TNFRSF10A: variants seen among roughly 807,000 people sequenced by gnomAD.
TNFRSF10A encodes tumor necrosis factor receptor superfamily member 10A.
Under a neutral mutation model 42.8 loss-of-function variants are expected in TNFRSF10A, and 44 were observed. The observed-to-expected ratio is 1.03, with a 90% CI of 0.81 to 1.32. The LOEUF (loss-of-function observed/expected upper bound fraction) is 1.32. Ranked by LOEUF, TNFRSF10A falls within the 40% of genes most tolerant of loss-of-function variation. The pLI is 0.00. For synonymous variants in TNFRSF10A, 259 were observed against 234.2 expected (o/e 1.11, Z -0.97); for missense variants, 680 against 602.0 (o/e 1.13, Z -1.36).
At chr8:23,212,029 T>G in intron 2 of TNFRSF10A, 87 bp downstream of exon 2, 1 of 1,175,344 alleles carries the variant, frequency 8.5e-7, no homozygotes. Flanking sequence ...AGGAATGTTA[T>G]TGATGAATTT....
chr8:23,213,955 T>C lies in TNFRSF10A; in HGVS notation c.307-1743A>G, dbSNP rs180876209. On this transcript the variant is annotated intron_variant, in intron 1 of 9. Transcript: ENST00000221132. Reference sequence around the variant, plus strand: ...TAGGTTTGAGGGTACAGCTGCTTTTTGTTGTTGTTGTTGTTACATGGATAA... The same window carrying C: ...TAGGTTTGAGGGTACAGCTGCTTTTCGTTGTTGTTGTTGTTACATGGATAA... 3.9e-4 allele frequency among the ~76,000 whole-genome samples: 57 copies of C among 147,180 alleles called. 1 individual carries two copies. The highest frequency in any genetic ancestry group is 6.8e-3 in the Middle Eastern group (2 of 294).
chr8:23,191,947 C>G lies in TNFRSF10A; in HGVS notation c.1154G>C (p.Arg385Thr). 6.2e-7 allele frequency: 1 copy of G among 1,614,216 alleles called. No individual in the cohort carries two copies. Among genetic ancestry groups the G allele is most frequent in the Non-Finnish European group, 8.5e-7 (1 of 1,180,044 alleles). ...CTCATTTTTCGTGAGGTCCAGCTGC[C>G]TCATGAGCTGGTCCCAGGAGTCAAA... is the stretch of plus-strand genomic sequence containing the variant. ...VPFDSWDQLM[R>T]QLDLTKNEID... The change falls in exon 10 of 10, where the codon AGG (arginine) becomes ACG (threonine). Residue 385 changes from arginine to threonine, a missense_variant. Transcript: ENST00000221132.
At chr8:23,213,820 T>G (rs200711237) in intron 1 of TNFRSF10A, among the ~76,000 whole-genome samples, 1 of 152,204 alleles carries the variant, frequency 6.6e-6, no homozygotes, top group East Asian at 1.9e-4. Flanking sequence ...TGGTGAGCAT[T>G]TACAGCTATC....
At chr8:23,207,466 C>T in intron 2 of TNFRSF10A, 1 of 413,888 alleles carries the variant, frequency 2.4e-6, no homozygotes, top group South Asian at 2.0e-5. Flanking sequence ...TGATACCAAC[C>T]ATTTCAAGAA....
chr8:23,222,356 T>A (rs562758304), intron 1 of TNFRSF10A, among the ~76,000 whole-genome samples: 1 of 152,224 alleles, frequency 6.6e-6, no homozygotes, highest in South Asian at 2.1e-4. Context: ...CATACAAGGG[T>A]TCTCACTACA....
At chr8:23,217,487 A>G (rs749247334) in intron 1 of TNFRSF10A, among the ~76,000 whole-genome samples, 7 of 152,104 alleles carry the variant, frequency 4.6e-5, no homozygotes, top group African/African-American at 9.7e-5. Context: ...AAGTGCTGGG[A>G]TTACAGGGGT....
At chr8:23,201,352 C>G (rs983982927) in intron 4 of TNFRSF10A, among the ~76,000 whole-genome samples, 7 of 152,052 alleles carry the variant, frequency 4.6e-5, no homozygotes, top group African/African-American at 1.7e-4. Flanking sequence ...ATGATTTTTG[C>G]GGGCTGTGGG....
At position 23,202,891 on chromosome 8, in the gene TNFRSF10A, G is replaced by C. The variant is rs1331275751; in HGVS notation, c.404-130C>G. 2.1e-5 allele frequency: 13 copies of C among 631,842 alleles called. No homozygotes were observed. In the East Asian group the frequency reaches 3.7e-4, roughly 18 times the overall value. 39.1% of individuals were successfully genotyped at this position (631,842 alleles called of 1,614,324 possible). ...AGAGAAATCCCATCTTCTTGGCTTGGTCTTGTCGTCAATTCTGCATCTATA... is the reference window on the plus strand; with the variant it reads ...AGAGAAATCCCATCTTCTTGGCTTGCTCTTGTCGTCAATTCTGCATCTATA... On this transcript the variant is annotated intron_variant, in intron 2 of 9. Coordinates refer to ENST00000221132, the MANE Select transcript of TNFRSF10A (RefSeq NM_003844.4).
intron 1 of TNFRSF10A, among the ~76,000 whole-genome samples, chr8:23,220,988 C>G (rs1160257094): frequency 1.3e-5 from 2 of 152,242 alleles, no homozygotes. Context: ...GGCTGTGGCC[C>G]TGCAGTGACA....
At chr8:23,216,978 T>C (rs1419048973) in intron 1 of TNFRSF10A, among the ~76,000 whole-genome samples, 1 of 152,200 alleles carries the variant, frequency 6.6e-6, no homozygotes, top group African/African-American at 2.4e-5. Context: ...ACCATGTTCA[T>C]AGAAGAGAAG....
intron 1 of TNFRSF10A, among the ~76,000 whole-genome samples, chr8:23,215,331 C>T (rs1415067427): frequency 6.6e-6 from 1 of 152,052 alleles, no homozygotes; most frequent in Non-Finnish European, 1.5e-5. Context: ...GCCTGGCCAA[C>T]ATGGTGAAAC....
In TNFRSF10A at chr8:23,200,769, A is replaced by C. The variant is rs200224155; in HGVS notation, c.630-9T>G. Reference sequence around the variant, plus strand: ...CCATCCCTCTGGGGCACCTGGGTACACACAGGGAGGGAGGGGGGGGACTCT... The same window carrying C: ...CCATCCCTCTGGGGCACCTGGGTACCCACAGGGAGGGAGGGGGGGGACTCT... On this transcript the variant is annotated splice_polypyrimidine_tract_variant and intron_variant, in intron 4 of 9. Coordinates refer to ENST00000221132, the MANE Select transcript of TNFRSF10A (RefSeq NM_003844.4). 60 of 1,264,620 alleles carry C rather than the reference A, an allele frequency of 4.7e-5. 1 individual carries two copies. In the South Asian group the frequency reaches 6.3e-4, roughly 13 times the overall value. 78.3% of individuals were successfully genotyped at this position (1,264,620 alleles called of 1,614,324 possible). A position where few individuals can be genotyped will look rare whatever the true frequency, so the allele number is the denominator to read the frequency against.
At chr8:23,214,166 TA>T (rs1801141088) in intron 1 of TNFRSF10A, among the ~76,000 whole-genome samples, 1 of 152,156 alleles carries the variant, frequency 6.6e-6, no homozygotes, top group African/African-American at 2.4e-5. Context: ...CCTTTTCATT[TA>T]TTTTTTTACC....
chr8:23,193,074 A>T (rs1800777344), intron 9 of TNFRSF10A, among the ~76,000 whole-genome samples: 1 of 152,228 alleles, frequency 6.6e-6, no homozygotes, highest in South Asian at 2.1e-4. Flanking sequence ...AGGGAGATAC[A>T]GTTGAGACTG....
rs111679681 is a variant in TNFRSF10A at position 23,206,348 on chromosome 8, C to G, written c.404-3587G>C. ...GGCCTTCACATTCACTCACCACTCA[C>G]TGACTCACCCAGACAAGATCCAGTC... On this transcript the variant is annotated intron_variant, in intron 2 of 9. Coordinates refer to ENST00000221132, the MANE Select transcript of TNFRSF10A (RefSeq NM_003844.4). Among the ~76,000 whole-genome samples the G allele has an allele frequency of 5.9e-3, 905 of 152,332 alleles. 7 individuals carry two copies. Among genetic ancestry groups the G allele is most frequent in the Non-Finnish European group, 0.01 (697 of 68,028 alleles).
chr8:23,218,580 GC>G (rs1284182180), intron 1 of TNFRSF10A, among the ~76,000 whole-genome samples: 1 of 152,090 alleles, frequency 6.6e-6, no homozygotes, highest in Non-Finnish European at 1.5e-5. Context: ...TCTGGGGGAA[GC>G]CACTTCTTCT....
intron 1 of TNFRSF10A, 64 bp downstream of exon 1, chr8:23,224,688 CCTCT>C (rs1585291068): frequency 6.7e-7 from 1 of 1,494,870 alleles, no homozygotes; most frequent in Non-Finnish European, 9.0e-7. Context: ...GCCGCGTCCC[CCTCT>C]CTCTCTGCCC....
At chr8:23,213,058 T>C (rs1019552290) in intron 1 of TNFRSF10A, among the ~76,000 whole-genome samples, 42 of 152,226 alleles carry the variant, frequency 2.8e-4, no homozygotes, top group Admixed American at 6.5e-4. Context: ...TTTTGGATTA[T>C]GGATTCTATC....
intron 2 of TNFRSF10A, among the ~76,000 whole-genome samples, chr8:23,211,681 T>C (rs947576229): frequency 6.6e-6 from 1 of 152,208 alleles, no homozygotes; most frequent in Non-Finnish European, 1.5e-5. Context: ...AGAGGACAGA[T>C]ATAGATCAAT....
Sources: allele counts gnomAD v4.1 joint callset (sites outside exome capture counted in the v4.1 genomes callset), GRCh38; gene constraint gnomAD v4.1.1; transcripts MANE v1.5; gene names NCBI Gene and HGNC (gene_info 2026-07-23, HGNC 2026-07-21).